The following ZBED1 variants were observed in gnomAD, a reference collection of about 807,000 sequenced individuals.
The protein encoded by ZBED1 is zinc finger BED-type containing 1, also known as E3 SUMO-protein ligase ZBED1.
In ZBED1, 19 loss-of-function variants were observed where a neutral mutation model predicts 49.7. The observed-to-expected ratio is 0.38, with a 90% CI of 0.27 to 0.56. The LOEUF (loss-of-function observed/expected upper bound fraction) is 0.56, where lower values mean the gene tolerates loss of function less well. ZBED1 is among the 20% of genes least tolerant of loss of function. The pLI is 0.70. For missense variants in ZBED1, 806 were observed against 972.6 expected (o/e 0.83, Z 2.28); for synonymous variants, 439 against 440.3 (o/e 1.00, Z 0.04).
rs1435643858 is a variant in ZBED1, at chrX:2,488,803, C to T, written c.1917G>A (p.Ala639=). The change falls in exon 2 of 2, where the codon GCG becomes GCA. Residue 639 remains alanine, a synonymous_variant. Transcript: ENST00000652001. ...VSAKRNRLAP[A]HVDEQVFLYE... is the part of the protein sequence containing the mutation. The stretch of plus-strand genomic sequence containing the variant: ...ACAGAAACACCTGCTCGTCCACGTG[C>T]GCGGGAGCCAGCCGGTTCCTCTTGG... The T allele has an allele frequency of 3.7e-6, 6 of 1,613,892 alleles. No individual in the cohort carries two copies. Among genetic ancestry groups the T allele is most frequent in the South Asian group, 1.1e-5 (1 of 91,064 alleles).
In ZBED1 at chrX:2,489,556, G is replaced by A. The variant is rs2045065024; in HGVS notation, c.1164C>T (p.Ala388=). ...DSNNHHLMLE[A]SEWATIEGLV... ...GCCCCTCGATGGTGGCCCACTCGCTGGCCTCCAGCATGAGGTGGTGGTTGT... is the reference window on the plus strand; with the variant it reads ...GCCCCTCGATGGTGGCCCACTCGCTAGCCTCCAGCATGAGGTGGTGGTTGT... Residue 388 remains alanine (A), a synonymous_variant, in exon 2 of 2, where the codon GCC becomes GCT. Transcript: ENST00000652001. The A allele has an allele frequency of 2.5e-6, 4 of 1,612,650 alleles. No individual in the cohort carries two copies. Among genetic ancestry groups the A allele is most frequent in the African/African-American group, 1.3e-5 (1 of 74,892 alleles).
Position 2,489,936 on chromosome X carries a change from C to T in ZBED1, c.784G>A (p.Ala262Thr), listed in dbSNP as rs146188728. The T allele has an allele frequency of 5.6e-6, 9 of 1,613,784 alleles. No individual in the cohort carries two copies. In the African/African-American group the frequency reaches 6.7e-5, roughly 12 times the overall value. ...TTGGTGGTGGCCCCGAAGACCTTGG[C>T]GCTGATGCCCCACTCGATGAAGACC... ...YEVFIEWGIS[A>T]KVFGATTNYG... Residue 262 changes from alanine (A) to threonine (T), a missense_variant, in exon 2 of 2, where the codon GCC (alanine) becomes ACC (threonine). Transcript: ENST00000652001.
At position 2,489,834 on chromosome X, in the gene ZBED1, T is replaced by C. The variant is rs1260505548; in HGVS notation, c.886A>G (p.Asn296Asp). ...TGGAAGGCCTGCTGGATGCCGGCATTGAAGGTGTGGCCCAGGCAGGGCATG... is the reference window on the plus strand; with the variant it reads ...TGGAAGGCCTGCTGGATGCCGGCATCGAAGGTGTGGCCCAGGCAGGGCATG... ...VHMPCLGHTF[N>D]AGIQQAFQLP... Residue 296 changes from asparagine (N) to aspartate (D), a missense_variant, in exon 2 of 2, where the codon AAT becomes GAT. Physicochemically the swap from Asn to Asp is conservative, Grantham distance 23. This residue lies in a region of ZBED1 where 749 missense variants were observed against 861.3 expected (regional missense o/e 0.87). Coordinates refer to ENST00000652001, the MANE Select transcript of ZBED1 (RefSeq NM_001171136.2). The C allele has an allele frequency of 1.4e-5, 22 of 1,613,654 alleles. No individual in the cohort carries two copies. Among genetic ancestry groups the C allele is most frequent in the African/African-American group, 2.7e-5 (2 of 75,044 alleles).
At chrX:2,497,137 T>C (rs1271336184) in intron 1 of ZBED1, among the ~76,000 whole-genome samples, 1 of 152,198 alleles carries the variant, frequency 6.6e-6, no homozygotes, top group Non-Finnish European at 1.5e-5. Flanking sequence ...GGCTCACCCC[T>C]GTAATCCCAG....
At chrX:2,494,540 C>T (rs1016751283) in intron 1 of ZBED1, among the ~76,000 whole-genome samples, 4 of 151,562 alleles carry the variant, frequency 2.6e-5, no homozygotes, top group African/African-American at 7.3e-5. Flanking sequence ...GAAAGAAGTC[C>T]GGGTACCTGG....
At position 2,489,571 on chromosome X, in the gene ZBED1, G is replaced by T; in HGVS notation, c.1149C>A (p.His383Gln). ...CCCACTCGCTGGCCTCCAGCATGAG[G>T]TGGTGGTTGTTGCTGTCCTCCACCA... ...GVLVEDSNNHHLMLEASEWAT... is the reference protein window; with the variant it reads ...GVLVEDSNNHQLMLEASEWAT... The change falls in exon 2 of 2, where the codon CAC becomes CAA. Residue 383 changes from histidine to glutamine, a missense_variant. His to Gln is a conservative substitution (Grantham distance 24, BLOSUM62 0). Coordinates refer to ENST00000652001, the MANE Select transcript of ZBED1 (RefSeq NM_001171136.2). 1 of 1,612,698 alleles carries T rather than the reference G, an allele frequency of 6.2e-7. No homozygotes were observed. The highest frequency in any genetic ancestry group is 8.5e-7 in the Non-Finnish European group (1 of 1,179,826).
At chrX:2,495,048 CATTATT>C (rs967530213) in intron 1 of ZBED1, among the ~76,000 whole-genome samples, 1 of 150,400 alleles carries the variant, frequency 6.6e-6, no homozygotes, top group African/African-American at 2.4e-5. Flanking sequence ...ATTCTATTGT[CATTATT>C]ATTATTATTG....
chrX:2,498,274 A>T (rs2045329199), intron 1 of ZBED1, among the ~76,000 whole-genome samples: 1 of 152,190 alleles, frequency 6.6e-6, no homozygotes, highest in African/African-American at 2.4e-5. Flanking sequence ...TGCAGTGGGG[A>T]AATTGGCCCT....
chrX:2,490,947 C>T (rs769714483), intron 1 of ZBED1, among the ~76,000 whole-genome samples, 175 bp from the exon 2 acceptor site: 3 of 152,234 alleles, frequency 2.0e-5, no homozygotes, highest in Admixed American at 1.3e-4. Flanking sequence ...GGGAACCTAG[C>T]GCAGGAATAC....
At position 2,500,881 on chromosome X, in the gene ZBED1, C is replaced by T. The variant is rs964252205; in HGVS notation, c.-118G>A. 3.5e-6 allele frequency: 4 copies of T among 1,150,152 alleles called. No individual in the cohort carries two copies. Among genetic ancestry groups the T allele is most frequent in the African/African-American group, 1.7e-5 (1 of 60,412 alleles). 71.2% of individuals were successfully genotyped at this position (1,150,152 alleles called of 1,614,324 possible). A position where few individuals can be genotyped will look rare whatever the true frequency, so the allele number is the denominator to read the frequency against. On this transcript the variant is annotated 5_prime_UTR_variant, in exon 1 of 2. Coordinates refer to ENST00000652001, the MANE Select transcript of ZBED1 (RefSeq NM_001171136.2). ...GCGCCAGGATCACCGCGGCGCCTACCGCGTAGACCCGCAGGGCCGCCCGCG... is the reference window on the plus strand; with the variant it reads ...GCGCCAGGATCACCGCGGCGCCTACTGCGTAGACCCGCAGGGCCGCCCGCG...
intron 1 of ZBED1, among the ~76,000 whole-genome samples, chrX:2,493,666 G>A (rs1328585931): frequency 6.6e-6 from 1 of 151,984 alleles, no homozygotes; most frequent in African/African-American, 2.4e-5. Flanking sequence ...CTCAGTACCT[G>A]TAGCAAAGAT....
chrX:2,489,331 G>A lies in ZBED1; in HGVS notation c.1389C>T (p.Pro463=), dbSNP rs780748383. 8.7e-6 allele frequency: 14 copies of A among 1,613,886 alleles called. No individual in the cohort carries two copies. In the South Asian group the frequency reaches 9.9e-5, roughly 11 times the overall value. ...CCACGTTGAGAAACATGTCGATCTC[G>A]GGCGTCTCCTGGTAGGTCTTGGAAA... ...KELSKTYQET[P]EIDMFLNVAT... Residue 463 remains proline (P), a synonymous_variant, in exon 2 of 2, where the codon CCC becomes CCT. Coordinates refer to ENST00000652001, the MANE Select transcript of ZBED1 (RefSeq NM_001171136.2).
At position 2,489,775 on chromosome X, in the gene ZBED1, G is replaced by A; in HGVS notation, c.945C>T (p.Cys315=). ...LPKLGALLSR[C]RKLVEYFQQS... ...GCTGGAAGTACTCCACCAGTTTGCG[G>A]CAGCGCGACAGCAGCGCCCCCAGCT... The change falls in exon 2 of 2, where the codon TGC becomes TGT. Residue 315 remains cysteine (C), a synonymous_variant. Coordinates refer to ENST00000652001, the MANE Select transcript of ZBED1 (RefSeq NM_001171136.2). 1 of 1,613,402 alleles carries A rather than the reference G, an allele frequency of 6.2e-7. No homozygotes were observed. The highest frequency in any genetic ancestry group is 8.5e-7 in the Non-Finnish European group (1 of 1,179,868).
At chrX:2,500,526 A>C in intron 1 of ZBED1, 1 of 158,012 alleles carries the variant, frequency 6.3e-6, no homozygotes. Context: ...TTGGAGCCCG[A>C]CCCGGGACAG....
At chrX:2,497,765 A>C (rs2045318750) in intron 1 of ZBED1, among the ~76,000 whole-genome samples, 1 of 152,218 alleles carries the variant, frequency 6.6e-6, no homozygotes, top group African/African-American at 2.4e-5. Flanking sequence ...TGTATCAGAG[A>C]AAATGTAATT....
intron 1 of ZBED1, among the ~76,000 whole-genome samples, chrX:2,494,761 T>G (rs5939497): frequency 0.1 from 15,865 of 151,966 alleles, 899 homozygotes; most frequent in Middle Eastern, 0.14. Context: ...AAGTTTTATA[T>G]TCCACTATTA....
At chrX:2,500,784 C>T (rs1321826865) in intron 1 of ZBED1, 33 bp downstream of exon 1, 5 of 1,068,298 alleles carry the variant, frequency 4.7e-6, no homozygotes, top group Non-Finnish European at 4.6e-6. Context: ...ACCCGGGTCC[C>T]CGGAGCCCTG....
Position 2,489,024 on chromosome X carries a change from C to T in ZBED1, c.1696G>A (p.Ala566Thr). ...TTGCTCAGCTCCTCCACCACCTGGG[C>T]ATGCCACTCTTCCTGGTCCTCCACG... ...GGVEDQEEWH[A>T]QVVEELSNFK... Residue 566 changes from alanine (A) to threonine (T), a missense_variant, in exon 2 of 2, where the codon GCC becomes ACC. Ala to Thr is a moderately conservative substitution (Grantham distance 58). Around this residue, in one of 2 missense-constraint regions of ZBED1, gnomAD observed 749 missense variants for 861.3 expected, o/e 0.87. Transcript: ENST00000652001. The T allele has an allele frequency of 6.2e-7, 1 of 1,612,856 alleles. No homozygotes were observed. The highest frequency in any genetic ancestry group is 8.5e-7 in the Non-Finnish European group (1 of 1,179,244).
chrX:2,493,610 T>C (rs2045212748), intron 1 of ZBED1, among the ~76,000 whole-genome samples: 1 of 151,634 alleles, frequency 6.6e-6, no homozygotes. Flanking sequence ...GTTTATATTC[T>C]AATTATTATT....
Sources: allele counts gnomAD v4.1 joint callset (sites outside exome capture counted in the v4.1 genomes callset), GRCh38; gene constraint gnomAD v4.1.1; regional missense constraint gnomAD v4.1.1; transcripts MANE v1.5; gene names NCBI Gene and HGNC (gene_info 2026-07-23, HGNC 2026-07-21).